GHRHR: variants seen among roughly 807,000 people sequenced by gnomAD.
The protein encoded by GHRHR is growth hormone-releasing hormone receptor.
Under a neutral mutation model 58.3 loss-of-function variants are expected in GHRHR, and 40 were observed. The observed-to-expected ratio is 0.69, with a 90% CI of 0.53 to 0.89. The LOEUF (loss-of-function observed/expected upper bound fraction) is 0.89, where lower values mean the gene tolerates loss of function less well. Ranked by LOEUF, GHRHR falls within the 40% of genes least tolerant of loss-of-function variation. The pLI is 0.00. For missense variants in GHRHR, 551 were observed against 541.3 expected (o/e 1.02, Z -0.18); for synonymous variants, 249 against 216.6 (o/e 1.15, Z -1.31).
intron 11 of GHRHR, among the ~76,000 whole-genome samples, chr7:30,976,970 A>G (rs1792598738): frequency 6.9e-6 from 1 of 145,244 alleles, no homozygotes; most frequent in African/African-American, 2.5e-5. Context: ...CCATCCACCC[A>G]TCCATCCAAT....
intron 1 of GHRHR, among the ~76,000 whole-genome samples, chr7:30,967,266 T>A (rs1049591885): frequency 6.6e-6 from 1 of 152,218 alleles, no homozygotes; most frequent in African/African-American, 2.4e-5. Context: ...CCTGGAGAAC[T>A]TGTTAAAATA....
chr7:30,969,038 C>T (rs1392030295), intron 2 of GHRHR, 25 bp from the exon 3 acceptor site: 1 of 1,562,200 alleles, frequency 6.4e-7, no homozygotes, highest in Non-Finnish European at 8.7e-7. Flanking sequence ...GGCTGAGTCT[C>T]TGCTGCTCCT....
intron 1 of GHRHR, among the ~76,000 whole-genome samples, chr7:30,967,700 TC>T (rs1792386781): frequency 1.3e-5 from 2 of 152,090 alleles, no homozygotes; most frequent in African/African-American, 4.8e-5. Context: ...CTTCCTGCCT[TC>T]CTGCCTTCCT....
rs143589716 is a variant in GHRHR at position 30,967,269 on chromosome 7, T to C, written c.58-1565T>C. The stretch of plus-strand genomic sequence containing the variant: ...CACTTCCAGTTTCCTGGAGAACTTG[T>C]TAAAATACAAAGTGCTGGATCCACC... On this transcript the variant is annotated intron_variant, in intron 1 of 12. Transcript: ENST00000326139. Among the ~76,000 whole-genome samples the C allele has an allele frequency of 4.0e-3, 610 of 152,306 alleles. 2 individuals carry two copies. The highest frequency in any genetic ancestry group is 0.01 in the Middle Eastern group (3 of 294).
intron 11 of GHRHR, 29 bp from the exon 12 acceptor site, chr7:30,977,252 G>C (rs376877291): frequency 1.2e-6 from 2 of 1,610,852 alleles, no homozygotes; most frequent in African/African-American, 1.3e-5. Flanking sequence ...AAAGGGTTCT[G>C]ATGGGGTCTT....
At position 30,976,425 on chromosome 7, in the gene GHRHR, G is replaced by T. The variant is rs375789396; in HGVS notation, c.975-4G>T. ...TGGGAGCCTAGGATTTGTCTTTCCT[G>T]CAGGCGTCTCTCCAAGTCGACACTT... On this transcript the variant is annotated splice_region_variant and splice_polypyrimidine_tract_variant and intron_variant, in intron 10 of 12. Coordinates refer to ENST00000326139, the MANE Select transcript of GHRHR (RefSeq NM_000823.4). The T allele has an allele frequency of 4.7e-5, 76 of 1,612,836 alleles. No homozygotes were observed. Among genetic ancestry groups the T allele is most frequent in the East Asian group, 8.9e-5 (4 of 44,852 alleles).
At chr7:30,975,914 G>C in intron 10 of GHRHR, 46 bp downstream of exon 10, 1 of 1,068,948 alleles carries the variant, frequency 9.4e-7, no homozygotes. Context: ...GGTAACTGGA[G>C]GGGGATTCAA....
At chr7:30,967,327 A>G (rs2267723) in intron 1 of GHRHR, among the ~76,000 whole-genome samples, 82,423 of 152,046 alleles carry the variant, frequency 0.54, 24,791 homozygotes, top group African/African-American at 0.82. Context: ...TTCCATCCCA[A>G]TGGATCTCTA....
In GHRHR at chr7:30,976,430, C is replaced by T. The variant is rs763314210; in HGVS notation, c.976C>T (p.Arg326Cys). The change falls in exon 11 of 13, where the codon CGT becomes TGT. Residue 326 changes from arginine (R) to cysteine (C), a missense_variant and splice_region_variant. Transcript: ENST00000326139. ...GCCTAGGATTTGTCTTTCCTGCAGGCGTCTCTCCAAGTCGACACTTTTCCT... is the reference window on the plus strand; with the variant it reads ...GCCTAGGATTTGTCTTTCCTGCAGGTGTCTCTCCAAGTCGACACTTTTCCT... Reference protein sequence around the residue: ...GSLHTQSQYWRLSKSTLFLIP... With the variant: ...GSLHTQSQYWCLSKSTLFLIP... 1.4e-5 allele frequency: 23 copies of T among 1,612,906 alleles called. No individual in the cohort carries two copies. Among genetic ancestry groups the T allele is most frequent in the Admixed American group, 3.3e-5 (2 of 59,998 alleles).
At chr7:30,971,371 C>A (rs574920676) in intron 5 of GHRHR, among the ~76,000 whole-genome samples, 155 bp downstream of exon 5, 13 of 152,122 alleles carry the variant, frequency 8.5e-5, no homozygotes, top group Non-Finnish European at 1.6e-4. Context: ...ACCATGTAGA[C>A]CCATCTCTTC....
In GHRHR at chr7:30,969,166, G is replaced by A. The variant is rs751885823; in HGVS notation, c.264G>A (p.Glu88=). Residue 88 remains glutamate (E), a synonymous_variant, in exon 3 of 13, where the codon GAG becomes GAA. Coordinates refer to ENST00000326139, the MANE Select transcript of GHRHR (RefSeq NM_000823.4). ...CPDFFSHFSS[E]SGAVKRDCTI... ...ATTTCTTCTCTCACTTCAGCTCAGAGTCAGGTGAGGGGTGCTGGGTGTGGC... is the reference window on the plus strand; with the variant it reads ...ATTTCTTCTCTCACTTCAGCTCAGAATCAGGTGAGGGGTGCTGGGTGTGGC... 4.5e-6 allele frequency: 7 copies of A among 1,549,840 alleles called. No individual in the cohort carries two copies. The South Asian group carries it at 5.9e-5, about 13-fold the overall frequency.
rs764111938 is a variant in GHRHR at position 30,971,167 on chromosome 7, A to G, written c.415A>G (p.Ile139Val). The stretch of plus-strand genomic sequence containing the variant: ...GATTATCTACACCGTGGGCCATAGC[A>G]TCTCTATTGTAGCCCTCTTCGTGGC... The part of the protein sequence containing the change: ...VKIIYTVGHS[I>V]SIVALFVAIT... The change falls in exon 5 of 13, where the codon ATC becomes GTC. Residue 139 changes from isoleucine to valine, a missense_variant. Coordinates refer to ENST00000326139, the MANE Select transcript of GHRHR (RefSeq NM_000823.4). 4 of 1,535,376 alleles carry G rather than the reference A, an allele frequency of 2.6e-6. No individual in the cohort carries two copies. Among genetic ancestry groups the G allele is most frequent in the Non-Finnish European group, 3.5e-6 (4 of 1,129,134 alleles).
chr7:30,969,219 GA>G, intron 3 of GHRHR, 49 bp downstream of exon 3: 2 of 1,237,096 alleles, frequency 1.6e-6, no homozygotes, highest in Non-Finnish European at 1.1e-6. Context: ...CTTTCATCTG[GA>G]AGTGGCAGAA....
intron 8 of GHRHR, among the ~76,000 whole-genome samples, chr7:30,974,765 C>T (rs573468598): frequency 9.2e-5 from 14 of 152,246 alleles, no homozygotes; most frequent in African/African-American, 2.6e-4. Context: ...AGTTCAGAAA[C>T]GTTTGTCCAT....
intron 5 of GHRHR, 45 bp from the exon 6 acceptor site, chr7:30,971,918 T>C: frequency 6.2e-7 from 1 of 1,604,962 alleles, no homozygotes; most frequent in East Asian, 2.2e-5. Flanking sequence ...CAGAATCCCC[T>C]CTCCCTGCTT....
intron 5 of GHRHR, 74 bp from the exon 6 acceptor site, chr7:30,971,889 C>A: frequency 7.2e-7 from 1 of 1,384,994 alleles, no homozygotes; most frequent in Non-Finnish European, 1.0e-6. Context: ...CTGCCCTGTT[C>A]AGCCCAGTTG....
chr7:30,976,406 C>A, intron 10 of GHRHR, 23 bp from the exon 11 acceptor site: 1 of 1,608,824 alleles, frequency 6.2e-7, no homozygotes, highest in Non-Finnish European at 8.5e-7. Flanking sequence ...GTCTTGGGAG[C>A]CTAGGATTTG....
intron 8 of GHRHR, 54 bp from the exon 9 acceptor site, chr7:30,974,917 G>A (rs947708255): frequency 2.0e-5 from 23 of 1,167,562 alleles, no homozygotes; most frequent in Middle Eastern, 1.9e-4. Flanking sequence ...AGGTGCCTGC[G>A]TCACCACAGT....
Position 30,976,619 on chromosome 7 carries a change from C to T in GHRHR, c.1104+61C>T, listed in dbSNP as rs541322139. ...AGGGTGCTGGAGGGAGGTGCTGTTGCCCACGGGCCTTGGCTGAGTTCATGA... is the reference window on the plus strand; with the variant it reads ...AGGGTGCTGGAGGGAGGTGCTGTTGTCCACGGGCCTTGGCTGAGTTCATGA... On this transcript the variant is annotated intron_variant, in intron 11 of 12. Coordinates refer to ENST00000326139, the MANE Select transcript of GHRHR (RefSeq NM_000823.4). 8 of 1,487,540 alleles carry T rather than the reference C, an allele frequency of 5.4e-6. No individual in the cohort carries two copies. In the Admixed American group the frequency reaches 1.2e-4, roughly 23 times the overall value. 92.1% of individuals were successfully genotyped at this position (1,487,540 alleles called of 1,614,324 possible).
Sources: gnomAD v4.1 joint callset for allele counts (sites outside exome capture counted in the v4.1 genomes callset) on GRCh38, gnomAD v4.1.1 for gene constraint, MANE v1.5 for transcripts, NCBI Gene and HGNC (gene_info 2026-07-23, HGNC 2026-07-21) for gene names.